Variants in MDGA2 observed in about 807,000 individuals in gnomAD.
MDGA2 encodes the protein MAM domain-containing glycosylphosphatidylinositol anchor protein 2.
A neutral mutation model predicts 117.8 loss-of-function variants in MDGA2; 40 were observed. The ratio of observed to expected loss-of-function variants is 0.34; its 90% confidence interval spans 0.26 to 0.44. The LOEUF is 0.44. Ranked by LOEUF, MDGA2 falls within the 20% of genes least tolerant of loss-of-function variation. MDGA2 has a pLI of 1.00. For synonymous variants in MDGA2, 452 were observed against 439.0 expected (o/e 1.03, Z -0.37); for missense variants, 1,123 against 1,250.6 (o/e 0.90, Z 1.54).
intron 1 of MDGA2, among the ~76,000 whole-genome samples, chr14:47,529,410 G>A (rs1378646860): frequency 6.6e-6 from 1 of 152,030 alleles, no homozygotes; most frequent in South Asian, 2.1e-4. Context: ...CTTTGATATA[G>A]GCATGCAATG....
intron 2 of MDGA2, among the ~76,000 whole-genome samples, chr14:47,265,727 T>C (rs1373914541): frequency 6.6e-6 from 1 of 152,024 alleles, no homozygotes; most frequent in Non-Finnish European, 1.5e-5. Flanking sequence ...CCTAGAGGAA[T>C]CACAACTCCA....
intron 1 of MDGA2, among the ~76,000 whole-genome samples, chr14:47,510,537 T>G (rs1404812635): frequency 1.3e-5 from 2 of 152,226 alleles, no homozygotes; most frequent in Non-Finnish European, 2.9e-5. Flanking sequence ...TGTGATTGTT[T>G]AACTCAATGT....
At chr14:47,427,031 ATAACT>A (rs1262518672) in intron 1 of MDGA2, among the ~76,000 whole-genome samples, 1 of 152,104 alleles carries the variant, frequency 6.6e-6, no homozygotes, top group African/African-American at 2.4e-5. Context: ...CAACTATGTG[ATAACT>A]TAAATAACTT....
chr14:47,350,183 C>T (rs1890848201), intron 1 of MDGA2, among the ~76,000 whole-genome samples: 1 of 152,204 alleles, frequency 6.6e-6, no homozygotes, highest in South Asian at 2.1e-4. Context: ...AAACAGTCAC[C>T]TGTAACTAAC....
intron 8 of MDGA2, among the ~76,000 whole-genome samples, chr14:46,973,682 C>T (rs987839452): frequency 9.9e-5 from 15 of 152,092 alleles, no homozygotes; most frequent in African/African-American, 3.4e-4. Context: ...CAGCTAAAGA[C>T]GTTTCAGGTA....
At chr14:47,670,919 A>C (rs1324987232) in intron 1 of MDGA2, among the ~76,000 whole-genome samples, 2 of 152,182 alleles carry the variant, frequency 1.3e-5, no homozygotes, top group African/African-American at 4.8e-5. Context: ...ATATTGCCAA[A>C]TATATATGTC....
In MDGA2 at chr14:47,535,082, T is replaced by TA. The variant is rs1353476422; in HGVS notation, c.280+139434dup. Among the ~76,000 whole-genome samples the TA allele has an allele frequency of 5.9e-5, 9 of 152,336 alleles. No individual in the cohort carries two copies. In the Middle Eastern group the frequency reaches 0.01, roughly 173 times the overall value. Reference sequence around the variant, plus strand: ...TTTTTACTTCTGTTTCTTCAGAACCTATTTGTCAACGTTAGGATTTCCAGG... The same window carrying TA: ...TTTTTACTTCTGTTTCTTCAGAACCTAATTTGTCAACGTTAGGATTTCCAGG... On this transcript the variant is annotated intron_variant, in intron 1 of 16. Transcript: ENST00000399232.
intron 8 of MDGA2, among the ~76,000 whole-genome samples, chr14:46,971,317 T>C (rs1417544572): frequency 6.6e-6 from 1 of 152,176 alleles, no homozygotes; most frequent in Admixed American, 6.5e-5. Context: ...TCAACCTATG[T>C]GTCCACCAAT....
intron 1 of MDGA2, among the ~76,000 whole-genome samples, chr14:47,538,671 G>A (rs1895273888): frequency 6.6e-6 from 1 of 152,054 alleles, no homozygotes; most frequent in Non-Finnish European, 1.5e-5. Flanking sequence ...CTTACCACAT[G>A]ATGTGATTGT....
At position 47,328,310 on chromosome 14, in the gene MDGA2, A is replaced by G. The variant is rs115139360; in HGVS notation, c.281-26760T>C. ...CTCCACACAGTATTTGTCAACTGCT[A>G]TGAAATCCTATATTTCTACTAACTC... On this transcript the variant is annotated intron_variant, in intron 1 of 16. Transcript: ENST00000399232. Among the ~76,000 whole-genome samples, 549 of 152,292 alleles carry G rather than the reference A, an allele frequency of 3.6e-3. 2 individuals carry two copies. Among genetic ancestry groups the G allele is most frequent in the African/African-American group, 0.013 (526 of 41,574 alleles).
intron 6 of MDGA2, among the ~76,000 whole-genome samples, chr14:47,093,351 C>G (rs1422863574): frequency 6.6e-6 from 1 of 152,052 alleles, no homozygotes; most frequent in South Asian, 2.1e-4. Flanking sequence ...TATTTTGAAC[C>G]ATACATGTTC....
At chr14:47,076,560 A>ATGTGTGTGTGTGTGTTATG (rs1555349981) in intron 6 of MDGA2, among the ~76,000 whole-genome samples, 1 of 147,076 alleles carries the variant, frequency 6.8e-6, no homozygotes, top group Non-Finnish European at 1.5e-5. Context: ...AGTGTGTGTT[A>ATGTGTGTGTGTGTGTTATG]TGTGTGTGTG....
At chr14:47,452,072 A>G (rs972191169) in intron 1 of MDGA2, among the ~76,000 whole-genome samples, 1 of 152,122 alleles carries the variant, frequency 6.6e-6, no homozygotes, top group Non-Finnish European at 1.5e-5. Context: ...TTAATAGCTA[A>G]AAAGAAATAT....
chr14:46,994,366 C>T (rs1887207373), intron 8 of MDGA2, among the ~76,000 whole-genome samples: 1 of 152,134 alleles, frequency 6.6e-6, no homozygotes, highest in Non-Finnish European at 1.5e-5. Context: ...AGTTATCAAA[C>T]CTAACAGTGA....
At position 47,091,139 on chromosome 14, in the gene MDGA2, T is replaced by A. The variant is rs370842945; in HGVS notation, c.1195+5715A>T. ...AATGATTGAGTATGGACATGGAATTTTCTAATTTTGCTTAACATCATTTAA... is the reference window on the plus strand; with the variant it reads ...AATGATTGAGTATGGACATGGAATTATCTAATTTTGCTTAACATCATTTAA... On this transcript the variant is annotated intron_variant, in intron 6 of 16. Coordinates refer to ENST00000399232, the MANE Select transcript of MDGA2 (RefSeq NM_001113498.3). 1.2e-4 allele frequency among the ~76,000 whole-genome samples: 19 copies of A among 152,244 alleles called. No homozygotes were observed. In the East Asian group the frequency reaches 3.1e-3, roughly 25 times the overall value.
At chr14:47,417,382 G>A (rs533252024) in intron 1 of MDGA2, among the ~76,000 whole-genome samples, 3 of 152,192 alleles carry the variant, frequency 2.0e-5, no homozygotes, top group South Asian at 4.1e-4. Flanking sequence ...TTATGACAAG[G>A]ATCACCTTTC....
intron 1 of MDGA2, among the ~76,000 whole-genome samples, chr14:47,627,100 G>T (rs1368416754): frequency 6.6e-6 from 1 of 151,920 alleles, no homozygotes; most frequent in Non-Finnish European, 1.5e-5. Context: ...ATCTGGTGGG[G>T]ACTTGGAGAA....
chr14:47,374,218 C>A (rs900088472), intron 1 of MDGA2, among the ~76,000 whole-genome samples: 8 of 152,048 alleles, frequency 5.3e-5, no homozygotes, highest in Non-Finnish European at 7.4e-5. Context: ...CCACTAATTA[C>A]CTTTGATGGT....
rs1459317342 is a variant in MDGA2, at chr14:47,035,008, T to C, written c.1819+3A>G. 9.3e-6 allele frequency: 15 copies of C among 1,608,864 alleles called. No homozygotes were observed. The highest frequency in any genetic ancestry group is 1.2e-5 in the Non-Finnish European group (14 of 1,177,032). ...GGAAATGCATAAAAGGGAATTTACT[T>C]ACACTGAACGATGAGCTGCACCAAG... On this transcript the variant is annotated splice_donor_region_variant and intron_variant, in intron 8 of 16. Coordinates refer to ENST00000399232, the MANE Select transcript of MDGA2 (RefSeq NM_001113498.3).
Sources: allele counts gnomAD v4.1 joint callset (sites outside exome capture counted in the v4.1 genomes callset), GRCh38; gene constraint gnomAD v4.1.1; transcripts MANE v1.5; gene names NCBI Gene and HGNC (gene_info 2026-07-23, HGNC 2026-07-21).